ABLIM3: variants seen among roughly 807,000 people sequenced by gnomAD.
ABLIM3 encodes the protein actin-binding LIM protein 3.
A neutral mutation model predicts 109.5 loss-of-function variants in ABLIM3; 61 were observed. That is an observed-to-expected ratio of 0.56 (90% CI 0.45 to 0.69). The LOEUF is 0.69. Ranked by LOEUF, ABLIM3 falls within the 30% of genes least tolerant of loss-of-function variation. ABLIM3 has a pLI of 0.00. For synonymous variants in ABLIM3, 300 were observed against 324.8 expected, an observed-to-expected ratio of 0.92 and a Z score of 0.82; for missense variants, 796 against 889.5, an observed-to-expected ratio of 0.89 and a Z score of 1.34.
chr5:149,224,422 A>G (rs1206039273), intron 8 of ABLIM3, among the ~76,000 whole-genome samples: 2 of 152,158 alleles, frequency 1.3e-5, no homozygotes, highest in African/African-American at 4.8e-5. Flanking sequence ...GGCCCACTTC[A>G]TCATGTCAGC....
intron 2 of ABLIM3, among the ~76,000 whole-genome samples, chr5:149,175,398 C>G (rs1755834780): frequency 6.6e-6 from 1 of 152,160 alleles, no homozygotes; most frequent in Non-Finnish European, 1.5e-5. Context: ...GGATTTATCA[C>G]AAAGCTAAAT....
intron 2 of ABLIM3, among the ~76,000 whole-genome samples, chr5:149,149,095 C>T (rs764782470): frequency 1.4e-4 from 22 of 152,216 alleles, no homozygotes; most frequent in Non-Finnish European, 2.9e-4. Flanking sequence ...GGTCAAATAA[C>T]TCCCACAAAG....
At chr5:149,249,127 G>A (rs1448280506) in intron 18 of ABLIM3, among the ~76,000 whole-genome samples, 3 of 152,174 alleles carry the variant, frequency 2.0e-5, no homozygotes, top group Non-Finnish European at 4.4e-5. Context: ...CAAGTCAAAA[G>A]CCAGTAAGTG....
At chr5:149,217,338 G>C in intron 8 of ABLIM3, 2 of 456,970 alleles carry the variant, frequency 4.4e-6, no homozygotes, top group Non-Finnish European at 8.0e-6. Context: ...GCTCTGCCTT[G>C]GGGGTGGGAA....
At chr5:149,216,689 G>T (rs1042510744) in intron 7 of ABLIM3, 3 of 406,442 alleles carry the variant, frequency 7.4e-6, no homozygotes. Context: ...TGGACCAGTG[G>T]CCTCTCAAGT....
chr5:149,219,200 C>G (rs943701286), intron 8 of ABLIM3: 1 of 152,188 alleles, frequency 6.6e-6, no homozygotes, highest in Admixed American at 6.5e-5. Flanking sequence ...TGGTCTCTAC[C>G]CATTAGATGC....
At chr5:149,234,785 G>A (rs1218102358) in intron 10 of ABLIM3, among the ~76,000 whole-genome samples, 1 of 152,202 alleles carries the variant, frequency 6.6e-6, no homozygotes, top group African/African-American at 2.4e-5. Context: ...CAGTGAGAAT[G>A]TTATTGACAA....
chr5:149,246,095 T>G (rs942344063), intron 16 of ABLIM3, among the ~76,000 whole-genome samples: 5 of 152,084 alleles, frequency 3.3e-5, no homozygotes, highest in Non-Finnish European at 4.4e-5. Context: ...CCTGGGGACT[T>G]GAGGCTGCAA....
chr5:149,167,640 A>G (rs1754949936), intron 2 of ABLIM3, among the ~76,000 whole-genome samples: 1 of 152,344 alleles, frequency 6.6e-6, no homozygotes. Context: ...TGTTTCTTGT[A>G]AACCACAGTG....
chr5:149,187,457 G>A (rs958749309), intron 3 of ABLIM3, among the ~76,000 whole-genome samples: 2 of 152,198 alleles, frequency 1.3e-5, no homozygotes, highest in African/African-American at 4.8e-5. Context: ...AGAAATAACT[G>A]TCAAGGAAAG....
chr5:149,250,168 C>G (rs1285173241), intron 19 of ABLIM3, among the ~76,000 whole-genome samples: 5 of 152,008 alleles, frequency 3.3e-5, no homozygotes. Flanking sequence ...GGCCAGGACA[C>G]AGGGGTCTAT....
intron 10 of ABLIM3, 149 bp downstream of exon 10, chr5:149,233,449 A>G: frequency 1.2e-6 from 1 of 825,146 alleles, no homozygotes. Flanking sequence ...CCAGGTCTTG[A>G]GGATCCAGTG....
At chr5:149,168,209 G>A (rs1755004711) in intron 2 of ABLIM3, among the ~76,000 whole-genome samples, 1 of 152,200 alleles carries the variant, frequency 6.6e-6, no homozygotes, top group South Asian at 2.1e-4. Flanking sequence ...TGGTAGCCCA[G>A]GTGAAAGATG....
At chr5:149,221,772 T>C (rs535063634) in intron 8 of ABLIM3, among the ~76,000 whole-genome samples, 1 of 152,292 alleles carries the variant, frequency 6.6e-6, no homozygotes, top group East Asian at 1.9e-4. Flanking sequence ...TTGCAGTTAC[T>C]AGATCAGTGA....
At chr5:149,229,737 T>A (rs1761658462) in intron 8 of ABLIM3, among the ~76,000 whole-genome samples, 2 of 152,238 alleles carry the variant, frequency 1.3e-5, no homozygotes, top group African/African-American at 4.8e-5. Flanking sequence ...TATGTTCCTA[T>A]TTTTCCTTCT....
intron 2 of ABLIM3, among the ~76,000 whole-genome samples, chr5:149,154,086 C>T (rs1753670366): frequency 6.6e-6 from 1 of 152,226 alleles, no homozygotes; most frequent in South Asian, 2.1e-4. Context: ...TTGCAATAGT[C>T]TAATGACACA....
rs1003728600 is a variant in ABLIM3 at position 149,244,893 on chromosome 5, C to T, written c.1364C>T (p.Thr455Ile). ...GGGTCCTCTGCAGGTGATTTGTCTA[C>T]AGCAACCAAGAGCAAAACAAGTGAA... ...PIYKRHGDLS[T>I]ATKSKTSEDI... The change falls in exon 16 of 24, where the codon ACA (threonine) becomes ATA (isoleucine). Residue 455 changes from threonine to isoleucine, a missense_variant. Coordinates refer to ENST00000309868, the MANE Select transcript of ABLIM3 (RefSeq NM_014945.5). 4 of 1,614,196 alleles carry T rather than the reference C, an allele frequency of 2.5e-6. No homozygotes were observed. Among genetic ancestry groups the T allele is most frequent in the Admixed American group, 3.3e-5 (2 of 60,022 alleles).
At position 149,259,286 on chromosome 5, in the gene ABLIM3, C is replaced by T. The variant is rs1182308099; in HGVS notation, c.*882C>T. 11 of 1,361,942 alleles carry T rather than the reference C, an allele frequency of 8.1e-6. No homozygotes were observed. The highest frequency in any genetic ancestry group is 2.9e-5 in the African/African-American group (2 of 67,890). The allele number at this position is 1,361,942 out of a possible 1,614,324, so 84.4% of individuals were successfully genotyped here. ...GACCCTTCCCTCTTTCAAGGAGAAG[C>T]CCATGATTGCAGCTTGTATTCTTTA... is the stretch of plus-strand genomic sequence containing the variant. On this transcript the variant is annotated 3_prime_UTR_variant, in exon 24 of 24. Transcript: ENST00000309868.
intron 2 of ABLIM3, among the ~76,000 whole-genome samples, chr5:149,182,211 A>C (rs990545807): frequency 1.3e-5 from 2 of 152,230 alleles, no homozygotes; most frequent in African/African-American, 4.8e-5. Flanking sequence ...AATTTATGAT[A>C]TACTTATTCA....
Sources: gnomAD v4.1 joint callset for allele counts (sites outside exome capture counted in the v4.1 genomes callset) on GRCh38, gnomAD v4.1.1 for gene constraint, MANE v1.5 for transcripts, NCBI Gene and HGNC (gene_info 2026-07-23, HGNC 2026-07-21) for gene names.